Variants in NEGR1 observed in about 807,000 individuals in gnomAD.
NEGR1 encodes IgLON family member 4.
A neutral mutation model predicts 40.9 loss-of-function variants in NEGR1; 10 were observed. That is an observed-to-expected ratio of 0.24 (90% CI 0.15 to 0.42). The LOEUF (loss-of-function observed/expected upper bound fraction) is 0.42. Ranked by LOEUF, NEGR1 falls within the 10% of genes least tolerant of loss-of-function variation. NEGR1 has a pLI of 1.00. For missense variants in NEGR1, 352 were observed against 438.9 expected (o/e 0.80, Z 1.77); for synonymous variants, 185 against 166.8 (o/e 1.11, Z -0.84).
At chr1:71,587,248 G>A in intron 6 of NEGR1, among the ~76,000 whole-genome samples, 1 of 152,110 alleles carries the variant, frequency 6.6e-6, no homozygotes, top group East Asian at 1.9e-4. Context: ...CAAGGACACA[G>A]CTAGTTTCAT....
intron 5 of NEGR1, among the ~76,000 whole-genome samples, chr1:71,609,677 A>G (rs2101540984): frequency 6.6e-6 from 1 of 152,044 alleles, no homozygotes; most frequent in South Asian, 2.1e-4. Context: ...TGCATCACAT[A>G]CGTTCTTATC....
intron 2 of NEGR1, among the ~76,000 whole-genome samples, chr1:71,829,082 G>A (rs1285044047): frequency 6.6e-6 from 1 of 151,894 alleles, no homozygotes; most frequent in Non-Finnish European, 1.5e-5. Flanking sequence ...TAAGTTGGCA[G>A]GGAACCTTCA....
At chr1:71,991,155 A>T (rs1249425124) in intron 1 of NEGR1, among the ~76,000 whole-genome samples, 1 of 152,144 alleles carries the variant, frequency 6.6e-6, no homozygotes, top group Non-Finnish European at 1.5e-5. Flanking sequence ...AATGCTTACA[A>T]GGACTATTGC....
chr1:72,251,101 G>A lies in NEGR1; in HGVS notation c.176+31218C>T, dbSNP rs571739256. On this transcript the variant is annotated intron_variant, in intron 1 of 6. Coordinates refer to ENST00000357731, the MANE Select transcript of NEGR1 (RefSeq NM_173808.3). ...CCTTTGGCAAAATAGAAAATGTGTGGGGAGAGTAATGGGATATTGAAACTG... is the reference window on the plus strand; with the variant it reads ...CCTTTGGCAAAATAGAAAATGTGTGAGGAGAGTAATGGGATATTGAAACTG... Among the ~76,000 whole-genome samples, 13 of 152,232 alleles carry A rather than the reference G, an allele frequency of 8.5e-5. No homozygotes were observed. In the South Asian group the frequency reaches 2.3e-3, roughly 27 times the overall value.
intron 1 of NEGR1, among the ~76,000 whole-genome samples, chr1:72,037,371 A>G (rs1197722471): frequency 6.6e-6 from 1 of 152,198 alleles, no homozygotes; most frequent in Non-Finnish European, 1.5e-5. Context: ...TCTTTACAAC[A>G]TTATGAAGTC....
chr1:71,614,881 A>T (rs1348969000), intron 4 of NEGR1, among the ~76,000 whole-genome samples: 1 of 152,238 alleles, frequency 6.6e-6, no homozygotes, highest in Non-Finnish European at 1.5e-5. Context: ...CACAAGTTAA[A>T]GGGACATGAT....
intron 1 of NEGR1, among the ~76,000 whole-genome samples, chr1:72,232,652 C>CT (rs1297436549): frequency 2.0e-5 from 3 of 151,916 alleles, no homozygotes; most frequent in Non-Finnish European, 4.4e-5. Context: ...TCATAGGGCC[C>CT]TTTTTTTCAC....
chr1:71,543,256 C>A (rs1332903694), intron 6 of NEGR1, among the ~76,000 whole-genome samples: 1 of 151,546 alleles, frequency 6.6e-6, no homozygotes, highest in African/African-American at 2.4e-5. Flanking sequence ...TGTGACAACC[C>A]CCCAAAATCT....
At chr1:71,460,444 T>C (rs1646706899) in intron 6 of NEGR1, among the ~76,000 whole-genome samples, 1 of 152,230 alleles carries the variant, frequency 6.6e-6, no homozygotes, top group Non-Finnish European at 1.5e-5. Context: ...CCTAGGCAGC[T>C]ACGTTTCTTC....
rs778170056 is a variant in NEGR1 at position 71,592,805 on chromosome 1, T to C, written c.940+12A>G. 18 of 1,606,764 alleles carry C rather than the reference T, an allele frequency of 1.1e-5. No homozygotes were observed. In the East Asian group the frequency reaches 3.6e-4, roughly 32 times the overall value. On this transcript the variant is annotated intron_variant, in intron 6 of 6. Transcript: ENST00000357731. ...GCCCCTGGAAGCATTTTGGTACCAT[T>C]GCATTACTTACGGTTAAGAGGCAGG...
chr1:71,730,001 T>A (rs557253735), intron 3 of NEGR1, among the ~76,000 whole-genome samples: 40 of 152,208 alleles, frequency 2.6e-4, no homozygotes, highest in African/African-American at 9.6e-4. Flanking sequence ...TTAATCAAAG[T>A]AATTTCAAAG....
chr1:72,106,300 A>G (rs925177312), intron 1 of NEGR1, among the ~76,000 whole-genome samples: 6 of 152,030 alleles, frequency 3.9e-5, no homozygotes, highest in African/African-American at 1.4e-4. Context: ...CTCTTACACT[A>G]TGGCACAGGG....
intron 2 of NEGR1, among the ~76,000 whole-genome samples, chr1:71,821,962 A>C (rs1658444528): frequency 6.6e-6 from 1 of 151,998 alleles, no homozygotes; most frequent in Non-Finnish European, 1.5e-5. Flanking sequence ...GTCACATAGG[A>C]GGTCAGGTAT....
chr1:72,213,196 G>C (rs1653674783), intron 1 of NEGR1, among the ~76,000 whole-genome samples: 2 of 151,946 alleles, frequency 1.3e-5, no homozygotes, highest in Non-Finnish European at 2.9e-5. Flanking sequence ...TATAGGAGCA[G>C]AAGACAAGGT....
chr1:71,644,127 A>T (rs1193471111), intron 4 of NEGR1, among the ~76,000 whole-genome samples: 1 of 151,922 alleles, frequency 6.6e-6, no homozygotes, highest in East Asian at 1.9e-4. Flanking sequence ...ACTGGTCCCT[A>T]TGAGCTGATT....
intron 3 of NEGR1, among the ~76,000 whole-genome samples, chr1:71,760,594 C>T (rs1655907100): frequency 6.6e-6 from 1 of 152,158 alleles, no homozygotes; most frequent in Non-Finnish European, 1.5e-5. Flanking sequence ...CACAAAAGCT[C>T]CACATAGAAT....
chr1:71,605,425 A>G (rs1427460790), intron 5 of NEGR1, among the ~76,000 whole-genome samples: 1 of 152,188 alleles, frequency 6.6e-6, no homozygotes, highest in Non-Finnish European at 1.5e-5. Flanking sequence ...AGGCAAAATA[A>G]CAAAAATCTC....
intron 1 of NEGR1, among the ~76,000 whole-genome samples, chr1:71,936,026 T>C (rs1645902651): frequency 6.6e-6 from 1 of 152,126 alleles, no homozygotes; most frequent in Non-Finnish European, 1.5e-5. Flanking sequence ...CTTGAACTCC[T>C]GACCTCAGGC....
At chr1:71,676,848 T>C (rs747666533) in intron 4 of NEGR1, among the ~76,000 whole-genome samples, 1 of 152,160 alleles carries the variant, frequency 6.6e-6, no homozygotes, top group Non-Finnish European at 1.5e-5. Flanking sequence ...CAAACAGCTA[T>C]TAGAATGCAA....
Sources: allele counts gnomAD v4.1 joint callset (sites outside exome capture counted in the v4.1 genomes callset), GRCh38; gene constraint gnomAD v4.1.1; transcripts MANE v1.5; gene names NCBI Gene and HGNC (gene_info 2026-07-23, HGNC 2026-07-21).